Variants in NAA20 observed in about 807,000 individuals in gnomAD.
The protein encoded by NAA20 is N-alpha-acetyltransferase 20.
Under a neutral mutation model 23.8 loss-of-function variants are expected in NAA20, and 24 were observed. That is an observed-to-expected ratio of 1.01 (90% CI 0.73 to 1.42). NAA20 has a LOEUF of 1.42. NAA20 is among the 40% of genes most tolerant of loss of function. The pLI, the probability that NAA20 is intolerant of heterozygous loss-of-function variation, is 0.00. For missense variants in NAA20, 166 were observed against 223.1 expected (o/e 0.74, Z 1.63); for synonymous variants, 83 against 77.7 (o/e 1.07, Z -0.36).
intron 1 of NAA20, chr20:20,018,994 CTCTGG>C: frequency 3.2e-6 from 3 of 947,496 alleles, no homozygotes; most frequent in Non-Finnish European, 3.8e-6. Context: ...CGATCCACTG[CTCTGG>C]AGTGGGTCTT....
intron 1 of NAA20, among the ~76,000 whole-genome samples, chr20:20,021,704 T>C (rs886428217): frequency 6.6e-6 from 1 of 152,170 alleles, no homozygotes; most frequent in African/African-American, 2.4e-5. Context: ...TGACTAGCAT[T>C]GTTATGGGTC....
chr20:20,027,874 G>A (rs1243060687), intron 4 of NAA20, among the ~76,000 whole-genome samples: 2 of 151,954 alleles, frequency 1.3e-5, no homozygotes, highest in African/African-American at 2.4e-5. Flanking sequence ...GAAGAGAGAT[G>A]TTTGTAGTAG....
intron 4 of NAA20, among the ~76,000 whole-genome samples, chr20:20,027,811 TAAAAG>T (rs2043316180): frequency 2.0e-5 from 3 of 151,162 alleles, no homozygotes; most frequent in African/African-American, 7.3e-5. Flanking sequence ...TTACTGGAGA[TAAAAG>T]AAATACAATA....
At position 20,032,584 on chromosome 20, in the gene NAA20, T is replaced by TAC; in HGVS notation, c.384_385dup (p.Ser129ThrfsTer8). ...AGTTAACATGTACAAGCAGTTGGGCTACAGTGTATATAGGACGGTCATAGA... is the reference window on the plus strand; with the variant it reads ...AGTTAACATGTACAAGCAGTTGGGCTACACAGTGTATATAGGACGGTCATAGA... On this transcript the variant is annotated frameshift_variant, in exon 5 of 6. Coordinates refer to ENST00000334982, the MANE Select transcript of NAA20 (RefSeq NM_016100.5). LOFTEE classifies it high-confidence loss of function. The TAC allele has an allele frequency of 6.2e-7, 1 of 1,613,848 alleles. No individual in the cohort carries two copies. Among genetic ancestry groups the TAC allele is most frequent in the Non-Finnish European group, 8.5e-7 (1 of 1,179,842 alleles).
chr20:20,021,050 G>C (rs1433475709), intron 1 of NAA20, among the ~76,000 whole-genome samples: 4 of 129,060 alleles, frequency 3.1e-5, no homozygotes, highest in South Asian at 6.3e-4. Context: ...GGGGGGGGGG[G>C]GGACTTTGGC....
At position 20,017,648 on chromosome 20, in the gene NAA20, C is replaced by T. The variant is rs1467404205; in HGVS notation, c.53+199C>T. On this transcript the variant is annotated intron_variant, in intron 1 of 5. Coordinates refer to ENST00000334982, the MANE Select transcript of NAA20 (RefSeq NM_016100.5). ...GAGAGGTGGGCCTGGAGTCGACGCA[C>T]GCCGGCCTTGGCGACCTTGGCCGAG... 5.2e-6 allele frequency: 7 copies of T among 1,351,760 alleles called. No homozygotes were observed. In the Admixed American group the frequency reaches 1.2e-4, roughly 23 times the overall value. 83.7% of individuals were successfully genotyped at this position (1,351,760 alleles called of 1,614,324 possible).
At chr20:20,018,813 C>A in intron 1 of NAA20, 1 of 822,984 alleles carries the variant, frequency 1.2e-6, no homozygotes, top group Non-Finnish European at 1.5e-6. Context: ...GTGCTGTCAC[C>A]CCCATTTTGT....
chr20:20,023,308 G>A (rs1335520414), intron 2 of NAA20, among the ~76,000 whole-genome samples: 16 of 126,410 alleles, frequency 1.3e-4, no homozygotes, highest in East Asian at 1.0e-3. Flanking sequence ...GCGAGACTCC[G>A]TCTCAAAAAA....
chr20:20,019,883 G>A (rs1055826219), intron 1 of NAA20, among the ~76,000 whole-genome samples: 1 of 152,148 alleles, frequency 6.6e-6, no homozygotes, highest in Non-Finnish European at 1.5e-5. Flanking sequence ...ACCACACCTG[G>A]TTCCCATTTT....
At position 20,033,266 on chromosome 20, in the gene NAA20, T is replaced by C; in HGVS notation, c.*79T>C. On this transcript the variant is annotated 3_prime_UTR_variant, in exon 6 of 6. Transcript: ENST00000334982. Reference sequence around the variant, plus strand: ...TTTTCATTGGATGATTCTGGAGCTCTATTAGGAGAAAAGTAATCATTTTAG... The same window carrying C: ...TTTTCATTGGATGATTCTGGAGCTCCATTAGGAGAAAAGTAATCATTTTAG... 8.7e-7 allele frequency: 1 copy of C among 1,153,612 alleles called. No homozygotes were observed. The highest frequency in any genetic ancestry group is 2.4e-5 in the East Asian group (1 of 42,180). The allele number at this position is 1,153,612 out of a possible 1,614,324, so 71.5% of individuals were successfully genotyped here.
Position 20,032,540 on chromosome 20 carries a change from G to C in NAA20, c.338G>C (p.Arg113Thr). The C allele has an allele frequency of 6.2e-7, 1 of 1,613,142 alleles. No individual in the cohort carries two copies. Among genetic ancestry groups the C allele is most frequent in the Non-Finnish European group, 8.5e-7 (1 of 1,179,568 alleles). The change falls in exon 5 of 6, where the codon AGA (arginine) becomes ACA (threonine). Residue 113 changes from arginine to threonine, a missense_variant. Coordinates refer to ENST00000334982, the MANE Select transcript of NAA20 (RefSeq NM_016100.5). ...KGGFFVDLFV[R>T]VSNQVAVNMY... ...GGATTTTTTGTGGATCTCTTTGTAA[G>C]AGTATCTAACCAAGTTGCAGTTAAC... is the stretch of plus-strand genomic sequence containing the variant.
intron 4 of NAA20, 92 bp from the exon 5 acceptor site, chr20:20,032,416 A>C: frequency 1.6e-6 from 2 of 1,281,866 alleles, no homozygotes; most frequent in South Asian, 3.0e-5. Context: ...AGTCAAAGCA[A>C]GGTAAAAACA....
intron 1 of NAA20, chr20:20,018,829 A>T (rs1427668445): frequency 1.1e-6 from 1 of 948,726 alleles, no homozygotes; most frequent in African/African-American, 1.8e-5. Flanking sequence ...TTTGTGTATG[A>T]GTAAACCAAG....
intron 1 of NAA20, chr20:20,017,780 T>A (rs975371487): frequency 1.3e-5 from 18 of 1,439,380 alleles, no homozygotes; most frequent in Middle Eastern, 2.5e-4. Context: ...TGGGGCGAGC[T>A]GGAGACGCGG....
chr20:20,026,983 C>T (rs1388903955), intron 4 of NAA20, 64 bp downstream of exon 4: 1 of 1,597,052 alleles, frequency 6.3e-7, no homozygotes, highest in African/African-American at 1.3e-5. Flanking sequence ...TCTTCCCCTT[C>T]AGGCTGAATA....
At chr20:20,025,103 T>C (rs1243652131) in intron 2 of NAA20, among the ~76,000 whole-genome samples, 1 of 152,248 alleles carries the variant, frequency 6.6e-6, no homozygotes, top group Non-Finnish European at 1.5e-5. Context: ...TCAGCTTTTA[T>C]CTGCATTACT....
At chr20:20,026,943 A>G (rs757045116) in intron 4 of NAA20, 24 bp downstream of exon 4, 7 of 1,613,812 alleles carry the variant, frequency 4.3e-6, no homozygotes, top group South Asian at 2.2e-5. Flanking sequence ...TTTCAAATAC[A>G]CTTAGTGATT....
chr20:20,027,924 A>G (rs2043317225), intron 4 of NAA20, among the ~76,000 whole-genome samples: 1 of 152,186 alleles, frequency 6.6e-6, no homozygotes, highest in Non-Finnish European at 1.5e-5. Flanking sequence ...TCTCCACTGT[A>G]ATTTCCTAAA....
intron 1 of NAA20, chr20:20,017,654 C>T: frequency 7.4e-7 from 1 of 1,358,900 alleles, no homozygotes; most frequent in Non-Finnish European, 9.7e-7. Flanking sequence ...CGCACGCCGG[C>T]CTTGGCGACC....
Sources: allele counts gnomAD v4.1 joint callset (sites outside exome capture counted in the v4.1 genomes callset), GRCh38; gene constraint gnomAD v4.1.1; transcripts MANE v1.5; gene names NCBI Gene and HGNC (gene_info 2026-07-23, HGNC 2026-07-21).